Variants in LYSMD2 observed in about 807,000 individuals in gnomAD.
The protein encoded by LYSMD2 is LysM domain containing 2.
LYSMD2 carries 6 observed loss-of-function variants against 17.7 expected under a neutral mutation model. The ratio of observed to expected loss-of-function variants is 0.34; its 90% CI spans 0.19 to 0.67. The LOEUF (loss-of-function observed/expected upper bound fraction) is 0.67. Among genes scored for constraint, LYSMD2 ranks in the 30% least tolerant of loss-of-function variants. The pLI is 0.69. For synonymous variants in LYSMD2, 102 were observed against 129.8 expected (o/e 0.79, Z 1.45); for missense variants, 237 against 286.7 (o/e 0.83, Z 1.25).
rs1337080048 is a variant in LYSMD2 at position 51,747,190 on chromosome 15, A to C, written c.-1+4081T>G. On this transcript the variant is annotated intron_variant, in intron 1 of 2. Transcript: ENST00000454181. ...ACTCCAGCCTGGGTAACAGAGTAAG[A>C]CTCTGTCTCAAAACCAACAACAACA... Among the ~76,000 whole-genome samples, 3 of 149,512 alleles carry C rather than the reference A, an allele frequency of 2.0e-5. 1 individual carries two copies. The highest frequency in any genetic ancestry group is 4.4e-5 in the Non-Finnish European group (3 of 67,554).
At chr15:51,749,102 A>G (rs1029481050) in intron 1 of LYSMD2, among the ~76,000 whole-genome samples, 2 of 152,196 alleles carry the variant, frequency 1.3e-5, no homozygotes, top group Non-Finnish European at 2.9e-5. Flanking sequence ...TTACATTTTC[A>G]TCTTCTAAAA....
intron 1 of LYSMD2, among the ~76,000 whole-genome samples, chr15:51,748,349 A>G (rs1218387747): frequency 6.6e-6 from 1 of 151,912 alleles, no homozygotes; most frequent in Non-Finnish European, 1.5e-5. Context: ...TTGTGCCAGT[A>G]AATATCTGGG....
At chr15:51,733,825 G>A (rs1020244123) in intron 1 of LYSMD2, among the ~76,000 whole-genome samples, 1 of 152,172 alleles carries the variant, frequency 6.6e-6, no homozygotes, top group African/African-American at 2.4e-5. Flanking sequence ...AGATGGAACA[G>A]CAAGTGCAAG....
upstream of LYSMD2, among the ~76,000 whole-genome samples, chr15:51,741,999 A>G (rs562436588): frequency 6.6e-6 from 1 of 150,734 alleles, no homozygotes. Flanking sequence ...AACTATCACC[A>G]CTATCTATTT....
upstream of LYSMD2, among the ~76,000 whole-genome samples, chr15:51,740,368 A>C (rs1055857943): frequency 6.6e-6 from 1 of 152,246 alleles, no homozygotes; most frequent in Admixed American, 6.5e-5. Flanking sequence ...AATTGTTTTA[A>C]TATGTATCTA....
chr15:51,749,466 C>T (rs1312164904), intron 1 of LYSMD2, among the ~76,000 whole-genome samples: 4 of 152,160 alleles, frequency 2.6e-5, no homozygotes, highest in Admixed American at 6.5e-5. Flanking sequence ...CTTCGACTGC[C>T]GAACATGACT....
At position 51,723,499 on chromosome 15, in the gene LYSMD2, G is replaced by C; in HGVS notation, c.*108C>G. 2.2e-6 allele frequency: 2 copies of C among 889,292 alleles called. No individual in the cohort carries two copies. Among genetic ancestry groups the C allele is most frequent in the Non-Finnish European group, 3.8e-6 (2 of 531,968 alleles). 55.1% of individuals were successfully genotyped at this position (889,292 alleles called of 1,614,324 possible). A position where few individuals can be genotyped will look rare whatever the true frequency, so the allele number is the denominator to read the frequency against. On this transcript the variant is annotated 3_prime_UTR_variant, in exon 3 of 3. Coordinates refer to ENST00000267838, the MANE Select transcript of LYSMD2 (RefSeq NM_153374.3). ...TAGAACTACCTAGTTATGATTTTAAGATGGACACTATAGGAATCCAGAAGG... is the reference window on the plus strand; with the variant it reads ...TAGAACTACCTAGTTATGATTTTAACATGGACACTATAGGAATCCAGAAGG...
chr15:51,749,348 T>C (rs1342016308), intron 1 of LYSMD2, among the ~76,000 whole-genome samples: 2 of 152,236 alleles, frequency 1.3e-5, no homozygotes, highest in East Asian at 1.9e-4. Context: ...ACACTCATCA[T>C]ACAGACAGAG....
At chr15:51,736,499 A>G (rs1023887196) in intron 1 of LYSMD2, among the ~76,000 whole-genome samples, 3 of 152,234 alleles carry the variant, frequency 2.0e-5, no homozygotes, top group African/African-American at 7.2e-5. Flanking sequence ...AGGGCCAGAA[A>G]GAGTTTCACT....
intron 1 of LYSMD2, among the ~76,000 whole-genome samples, chr15:51,749,110 A>T (rs908291699): frequency 6.6e-6 from 1 of 152,314 alleles, no homozygotes; most frequent in Middle Eastern, 3.4e-3. Flanking sequence ...TCATCTTCTA[A>T]AAAGCAAGTA....
chr15:51,724,598 A>G (rs73405335), intron 2 of LYSMD2, among the ~76,000 whole-genome samples, 192 bp downstream of exon 2: 2,434 of 107,776 alleles, frequency 0.023, 45 homozygotes, highest in East Asian at 0.11. Context: ...TTAAAGCAAA[A>G]AAAGAAAGAA....
intron 1 of LYSMD2, among the ~76,000 whole-genome samples, chr15:51,748,474 A>G (rs1439293936): frequency 1.3e-5 from 2 of 152,178 alleles, no homozygotes; most frequent in Non-Finnish European, 2.9e-5. Flanking sequence ...GCAGTCTTTC[A>G]GTCCATCCAA....
chr15:51,737,226 C>A lies in LYSMD2; in HGVS notation c.273+124G>T. On this transcript the variant is annotated intron_variant, in intron 1 of 2. Transcript: ENST00000267838. This position sits in a 1 kb window ranked among gnomAD's most constrained non-coding sequence, Gnocchi z 4.2. ...AGCCGCCCGGGGACGCACGGCCGTC[C>A]CTGCGACTCCCCATCCCCCAAACCC... The A allele has an allele frequency of 1.4e-6, 1 of 689,852 alleles. No homozygotes were observed. 42.7% of individuals were successfully genotyped at this position (689,852 alleles called of 1,614,324 possible). A position where few individuals can be genotyped will look rare whatever the true frequency, so the allele number is the denominator to read the frequency against.
rs573120671 is a variant in LYSMD2 at position 51,747,125 on chromosome 15, G to A, written c.-1+4146C>T. 1.1e-4 allele frequency among the ~76,000 whole-genome samples: 17 copies of A among 151,350 alleles called. No homozygotes were observed. In the South Asian group the frequency reaches 1.3e-3, roughly 11 times the overall value. Reference sequence around the variant, plus strand: ...TTAGACATGAGAATTGCTTGAACCCGGGAGGCAGAGGTTGCAGTGAGCCGA... The same window carrying A: ...TTAGACATGAGAATTGCTTGAACCCAGGAGGCAGAGGTTGCAGTGAGCCGA... On this transcript the variant is annotated intron_variant, in intron 1 of 2. Coordinates refer to the LYSMD2 transcript ENST00000454181.
chr15:51,726,794 C>A (rs1342681352), intron 1 of LYSMD2, among the ~76,000 whole-genome samples: 1 of 152,184 alleles, frequency 6.6e-6, no homozygotes, highest in Non-Finnish European at 1.5e-5. Flanking sequence ...GGTTTTCTGT[C>A]ACTTGTAGCT....
At chr15:51,746,477 A>T (rs2055667928) in intron 1 of LYSMD2, among the ~76,000 whole-genome samples, 1 of 152,232 alleles carries the variant, frequency 6.6e-6, no homozygotes, top group African/African-American at 2.4e-5. Context: ...ATGAGTGCTA[A>T]CATGTCTGTG....
chr15:51,737,665 G>A (rs2055620525), upstream of LYSMD2: 8 of 1,198,222 alleles, frequency 6.7e-6, no homozygotes, highest in African/African-American at 1.6e-5. This position sits in a 1 kb window ranked among gnomAD's most constrained non-coding sequence, Gnocchi z 4.2. Context: ...TGCCAAGGGG[G>A]CGGCGCCTCC....
intron 1 of LYSMD2, among the ~76,000 whole-genome samples, chr15:51,726,523 C>T (rs927471538): frequency 1.3e-5 from 2 of 152,212 alleles, no homozygotes; most frequent in Admixed American, 1.3e-4. Context: ...ATCACAGACC[C>T]ATGACAGAAT....
intron 1 of LYSMD2, among the ~76,000 whole-genome samples, chr15:51,731,716 T>G: frequency 1.3e-5 from 2 of 152,126 alleles, no homozygotes; most frequent in Non-Finnish European, 2.9e-5. Flanking sequence ...CTTTCCACTT[T>G]CAGTTTCTAT....
Sources: allele counts gnomAD v4.1 joint callset (sites outside exome capture counted in the v4.1 genomes callset), GRCh38; gene constraint gnomAD v4.1.1; non-coding constraint Gnocchi (gnomAD v3.1); transcripts MANE v1.5; gene names NCBI Gene and HGNC (gene_info 2026-07-23, HGNC 2026-07-21).